Variants in HSPA12A observed in about 807,000 individuals in gnomAD.
The protein encoded by HSPA12A is heat shock protein family A (Hsp70) member 12A, also known as heat shock 70 kDa protein 12A.
A neutral mutation model predicts 69.2 loss-of-function variants in HSPA12A; 28 were observed. The ratio of observed to expected loss-of-function variants is 0.40; its 90% CI spans 0.30 to 0.55. HSPA12A has a LOEUF of 0.55. HSPA12A is among the 20% of genes least tolerant of loss of function. The pLI, the probability that HSPA12A is intolerant of heterozygous loss-of-function variation, is 0.38. For synonymous variants in HSPA12A, 345 were observed against 370.5 expected (o/e 0.93, Z 0.79); for missense variants, 686 against 900.7 (o/e 0.76, Z 3.05).
intron 2 of HSPA12A, among the ~76,000 whole-genome samples, chr10:116,817,536 G>T (rs912306046): frequency 6.6e-6 from 1 of 151,172 alleles, no homozygotes; most frequent in African/African-American, 2.4e-5. Context: ...TGGGGGTGGG[G>T]GGGATGGCAT....
At chr10:116,693,504 T>C (rs1159888944) in intron 5 of HSPA12A, among the ~76,000 whole-genome samples, 3 of 152,200 alleles carry the variant, frequency 2.0e-5, no homozygotes, top group Non-Finnish European at 4.4e-5. Flanking sequence ...AAATGCCAGT[T>C]CTTTCCTTCC....
intron 1 of HSPA12A, among the ~76,000 whole-genome samples, chr10:116,844,580 T>C (rs1326868594): frequency 1.3e-5 from 2 of 152,170 alleles, no homozygotes; most frequent in Non-Finnish European, 2.9e-5. Context: ...TGAGTGAAAA[T>C]AGTTAACATT....
At chr10:116,689,734 G>A (rs1036074261) in intron 6 of HSPA12A, among the ~76,000 whole-genome samples, 20 of 151,790 alleles carry the variant, frequency 1.3e-4, no homozygotes, top group Non-Finnish European at 2.9e-4. Flanking sequence ...GAGAACCCAC[G>A]GTACAGGTTG....
intron 9 of HSPA12A, among the ~76,000 whole-genome samples, chr10:116,680,634 C>T (rs1169225043): frequency 6.6e-6 from 1 of 152,202 alleles, no homozygotes; most frequent in South Asian, 2.1e-4. Flanking sequence ...TACAGGTGTG[C>T]ACCACCACGC....
Position 116,806,784 on chromosome 10 carries a change from G to C in HSPA12A, c.91+28151C>G, listed in dbSNP as rs557071237. On this transcript the variant is annotated intron_variant, in intron 2 of 12. Transcript: ENST00000635765. ...CAGGGACAGAGGTTAGATGTGGAAG[G>C]CTGGTGCAGGGGATTGACCCGTGGC... Among the ~76,000 whole-genome samples, 22 of 152,354 alleles carry C rather than the reference G, an allele frequency of 1.4e-4. No individual in the cohort carries two copies. In the South Asian group the frequency reaches 4.6e-3, roughly 32 times the overall value.
intron 2 of HSPA12A, among the ~76,000 whole-genome samples, chr10:116,771,470 G>T (rs1844207848): frequency 6.6e-6 from 1 of 152,248 alleles, no homozygotes; most frequent in Non-Finnish European, 1.5e-5. Context: ...GGGAACTGAG[G>T]AAGGAAGAGA....
At chr10:116,737,703 A>G (rs1212571549) in intron 1 of HSPA12A, among the ~76,000 whole-genome samples, 1 of 152,248 alleles carries the variant, frequency 6.6e-6, no homozygotes, top group Non-Finnish European at 1.5e-5. Context: ...ATTGCCCAGA[A>G]GGGGTGCCAT....
At chr10:116,727,467 A>C (rs182390867) in intron 1 of HSPA12A, among the ~76,000 whole-genome samples, 142 of 152,278 alleles carry the variant, frequency 9.3e-4, no homozygotes, top group African/African-American at 3.4e-3. Context: ...CCAAGGTCCT[A>C]TTGGCCAAAA....
At chr10:116,840,010 C>CGGGAA (rs1159246348) in intron 1 of HSPA12A, among the ~76,000 whole-genome samples, 1 of 151,808 alleles carries the variant, frequency 6.6e-6, no homozygotes, top group Non-Finnish European at 1.5e-5. Flanking sequence ...TACATACGGA[C>CGGGAA]GGGAAAGCCA....
At chr10:116,788,497 T>C (rs1844629421) in intron 2 of HSPA12A, among the ~76,000 whole-genome samples, 1 of 152,148 alleles carries the variant, frequency 6.6e-6, no homozygotes, top group Non-Finnish European at 1.5e-5. Flanking sequence ...AAAAAAACAA[T>C]AATGAAAAGC....
At chr10:116,785,164 C>T (rs1029006094) in intron 2 of HSPA12A, among the ~76,000 whole-genome samples, 1 of 152,188 alleles carries the variant, frequency 6.6e-6, no homozygotes, top group African/African-American at 2.4e-5. Flanking sequence ...GGGCTTGACC[C>T]CTGCATGTCC....
intron 1 of HSPA12A, among the ~76,000 whole-genome samples, chr10:116,717,387 G>A (rs1227923345): frequency 3.3e-5 from 5 of 152,212 alleles, no homozygotes; most frequent in Non-Finnish European, 7.3e-5. Flanking sequence ...GCTCCTGGCT[G>A]TCTCTGTCTG....
At chr10:116,843,021 T>C (rs1054815101) in intron 1 of HSPA12A, among the ~76,000 whole-genome samples, 1 of 152,230 alleles carries the variant, frequency 6.6e-6, no homozygotes, top group Non-Finnish European at 1.5e-5. Flanking sequence ...AAAATACCAA[T>C]TAAACTGCCA....
intron 5 of HSPA12A, among the ~76,000 whole-genome samples, chr10:116,693,197 A>C (rs1849786290): frequency 6.6e-6 from 1 of 152,172 alleles, no homozygotes; most frequent in South Asian, 2.1e-4. Context: ...CAGCATTATC[A>C]GGGGCATTTT....
At chr10:116,685,087 G>A (rs2132919318) in intron 6 of HSPA12A, among the ~76,000 whole-genome samples, 1 of 152,288 alleles carries the variant, frequency 6.6e-6, no homozygotes, top group African/African-American at 2.4e-5. Context: ...CACTGCCGTG[G>A]TGCTGACTTT....
rs1849065119 is a variant in HSPA12A at position 116,671,283 on chromosome 10, T to C, written c.*3498A>G. The C allele has an allele frequency of 4.6e-5, 7 of 152,296 alleles. No homozygotes were observed. In the South Asian group the frequency reaches 1.5e-3, roughly 32 times the overall value. 9.4% of individuals were successfully genotyped at this position (152,296 alleles called of 1,614,324 possible). On this transcript the variant is annotated 3_prime_UTR_variant, in exon 12 of 12. Transcript: ENST00000369209. ...CTGGTGGTGAACTGCTGCAAAGTTCTGTGAAGTTTGAATTTATCTTGTAGT... is the reference window on the plus strand; with the variant it reads ...CTGGTGGTGAACTGCTGCAAAGTTCCGTGAAGTTTGAATTTATCTTGTAGT...
intron 6 of HSPA12A, among the ~76,000 whole-genome samples, chr10:116,690,496 A>T (rs534531906): frequency 8.5e-5 from 13 of 152,360 alleles, no homozygotes; most frequent in South Asian, 6.2e-4. Flanking sequence ...AGAACTGCAA[A>T]GGATCAAAAA....
chr10:116,722,420 GCT>G (rs1305754220), intron 1 of HSPA12A, among the ~76,000 whole-genome samples: 2 of 152,088 alleles, frequency 1.3e-5, no homozygotes, highest in Non-Finnish European at 2.9e-5. Flanking sequence ...CCTGCCTCTC[GCT>G]CTCTCTCCAC....
At chr10:116,837,439 G>A (rs1401170933) in intron 1 of HSPA12A, among the ~76,000 whole-genome samples, 1 of 152,098 alleles carries the variant, frequency 6.6e-6, no homozygotes, top group East Asian at 1.9e-4. Flanking sequence ...AAAGGCAGTA[G>A]ACATGCCTAT....
Sources: allele counts gnomAD v4.1 joint callset (sites outside exome capture counted in the v4.1 genomes callset), GRCh38; gene constraint gnomAD v4.1.1; transcripts MANE v1.5; gene names NCBI Gene and HGNC (gene_info 2026-07-23, HGNC 2026-07-21).